Variants in TGFB3 observed in about 807,000 individuals in gnomAD.
TGFB3 encodes the protein transforming growth factor beta-3 proprotein.
In TGFB3, 5 loss-of-function variants were observed where a neutral mutation model predicts 40.1. The ratio of observed to expected loss-of-function variants is 0.12; its 90% CI spans 0.07 to 0.26. The LOEUF (loss-of-function observed/expected upper bound fraction) is 0.26. Among genes scored for constraint, TGFB3 ranks in the 10% least tolerant of loss-of-function variants. The pLI is 1.00. For synonymous variants in TGFB3, 184 were observed against 205.6 expected (o/e 0.89, Z 0.90); for missense variants, 373 against 530.1 (o/e 0.70, Z 2.91).
chr14:75,973,905 G>C (rs747601097), intron 1 of TGFB3, among the ~76,000 whole-genome samples: 2 of 152,216 alleles, frequency 1.3e-5, no homozygotes, highest in Non-Finnish European at 2.9e-5. Flanking sequence ...ACTTCGGGAA[G>C]CCGAGGTGGG....
chr14:75,971,396 C>CT lies in TGFB3; in HGVS notation c.517-142dup, dbSNP rs1344556066. ...TGGCCCTCGAGCACCTTAGCTAACT[C>CT]TTAAGTGTTTTAATGACAGACACAG... On this transcript the variant is annotated intron_variant, in intron 2 of 6. Coordinates refer to ENST00000238682, the MANE Select transcript of TGFB3 (RefSeq NM_003239.5). The surrounding 1 kb of genome is among the most constrained non-coding windows in gnomAD (Gnocchi z 4.5). 2.8e-5 allele frequency: 42 copies of CT among 1,521,280 alleles called. No homozygotes were observed. The highest frequency in any genetic ancestry group is 3.8e-5 in the Non-Finnish European group (42 of 1,115,180). The allele number at this position is 1,521,280 out of a possible 1,614,324, so 94.2% of individuals were successfully genotyped here. A position where few individuals can be genotyped will look rare whatever the true frequency, so the allele number is the denominator to read the frequency against.
At chr14:75,959,855 G>C (rs1339433294) in intron 6 of TGFB3, among the ~76,000 whole-genome samples, 2 of 147,808 alleles carry the variant, frequency 1.4e-5, no homozygotes, top group African/African-American at 2.5e-5. Flanking sequence ...AATGACAGAA[G>C]CAGAACAACT....
chr14:75,972,107 C>T (rs1000265244), intron 1 of TGFB3, among the ~76,000 whole-genome samples: 5 of 152,190 alleles, frequency 3.3e-5, no homozygotes, highest in African/African-American at 4.8e-5. Flanking sequence ...TTGATTTATT[C>T]GTGTGTTTGT....
Position 75,963,918 on chromosome 14 carries a change from C to G in TGFB3, c.755-431G>C, listed in dbSNP as rs548267444. On this transcript the variant is annotated intron_variant, in intron 4 of 6. Coordinates refer to ENST00000238682, the MANE Select transcript of TGFB3 (RefSeq NM_003239.5). ...TTGAGACAGAGTCTCGCTCTGTTGG[C>G]CAGGCTGGAGTGCAGTGGCCCCATC... 2.1e-4 allele frequency among the ~76,000 whole-genome samples: 32 copies of G among 152,222 alleles called. No homozygotes were observed. The East Asian group carries it at 6.2e-3, about 29-fold the overall frequency.
At chr14:75,964,473 A>C (rs778526758) in intron 4 of TGFB3, among the ~76,000 whole-genome samples, 2 of 152,252 alleles carry the variant, frequency 1.3e-5, no homozygotes, top group Admixed American at 6.5e-5. Flanking sequence ...TCTGAAAAAA[A>C]AGGAAAAGAC....
intron 5 of TGFB3, chr14:75,963,024 G>A (rs1361302106): frequency 1.9e-6 from 1 of 518,208 alleles, no homozygotes; most frequent in Non-Finnish European, 3.5e-6. Flanking sequence ...CTTTGACCAA[G>A]CCTCTCCAAT....
rs141928758 is a variant in TGFB3 at position 75,961,371 on chromosome 14, G to C, written c.927-295C>G. On this transcript the variant is annotated intron_variant, in intron 5 of 6. Transcript: ENST00000238682. The stretch of plus-strand genomic sequence containing the variant: ...ACAATACAAAGCAGTGCTATGAAGC[G>C]CTCCACATAAAACCAAGCACTGAAT... Among the ~76,000 whole-genome samples, 5 of 152,296 alleles carry C rather than the reference G, an allele frequency of 3.3e-5. No homozygotes were observed. The East Asian group carries it at 9.6e-4, about 29-fold the overall frequency.
chr14:75,964,969 C>T (rs192238534), intron 4 of TGFB3, among the ~76,000 whole-genome samples: 16 of 152,342 alleles, frequency 1.1e-4, no homozygotes, highest in African/African-American at 3.8e-4. Context: ...CTTCCCTGAA[C>T]TCCAGAGATC....
intron 3 of TGFB3, among the ~76,000 whole-genome samples, chr14:75,967,072 G>C (rs1014901335): frequency 6.6e-6 from 1 of 152,226 alleles, no homozygotes; most frequent in African/African-American, 2.4e-5. Flanking sequence ...TCCTGAAATT[G>C]TGCCATCAGG....
At chr14:75,975,323 G>A (rs1381497502) in intron 1 of TGFB3, among the ~76,000 whole-genome samples, 1 of 152,108 alleles carries the variant, frequency 6.6e-6, no homozygotes, top group Non-Finnish European at 1.5e-5. Context: ...AGCCGAGATT[G>A]CACCAGTGCA....
At chr14:75,970,904 T>G in intron 3 of TGFB3, 2 of 554,698 alleles carry the variant, frequency 3.6e-6, no homozygotes, top group Non-Finnish European at 6.4e-6. Flanking sequence ...CTCTTTCTAT[T>G]TCTCATAGTT....
chr14:75,982,919 G>C (rs1431306286), upstream of TGFB3: 3 of 152,352 alleles, frequency 2.0e-5, no homozygotes, highest in East Asian at 3.8e-4. This position sits in a 1 kb window ranked among gnomAD's most constrained non-coding sequence, Gnocchi z 4.0. Flanking sequence ...CAGTTGGCCC[G>C]AGCCCATTTC....
Position 75,960,971 on chromosome 14 carries a change from G to A in TGFB3, c.1032C>T (p.Cys344=). 6.2e-7 allele frequency: 1 copy of A among 1,614,250 alleles called. No individual in the cohort carries two copies. Among genetic ancestry groups the A allele is most frequent in the Non-Finnish European group, 8.5e-7 (1 of 1,180,052 alleles). The part of the protein sequence containing the change: ...HEPKGYYANF[C]SGPCPYLRSA... ...TGCGGAGGTATGGGCAAGGGCCTGA[G>A]CAGAAGTTGGCATAGTAGCCCTTAG... The change falls in exon 6 of 7, where the codon TGC becomes TGT. Residue 344 remains cysteine, a synonymous_variant. Transcript: ENST00000238682.
At chr14:75,975,209 A>G (rs1014243049) in intron 1 of TGFB3, among the ~76,000 whole-genome samples, 1 of 151,966 alleles carries the variant, frequency 6.6e-6, no homozygotes. Flanking sequence ...CTCTACTCCA[A>G]ATACAAAAAT....
intron 5 of TGFB3, among the ~76,000 whole-genome samples, chr14:75,962,624 T>C (rs2035170401): frequency 6.6e-6 from 1 of 152,180 alleles, no homozygotes; most frequent in African/African-American, 2.4e-5. Context: ...TTCTGAAGCC[T>C]TTCCTGTGTC....
At position 75,965,473 on chromosome 14, in the gene TGFB3, T is replaced by G. The variant is rs983385416; in HGVS notation, c.754+115A>C. ...CTCAAGTACAAAATAGTCGGCTATC[T>G]CTCTGAAGGAGCTTGGTTTCTTTTC... On this transcript the variant is annotated intron_variant, in intron 4 of 6. Transcript: ENST00000238682. 35 of 862,244 alleles carry G rather than the reference T, an allele frequency of 4.1e-5. No individual in the cohort carries two copies. In the Admixed American group the frequency reaches 4.2e-4, roughly 10 times the overall value. The allele number at this position is 862,244 out of a possible 1,614,324, so 53.4% of individuals were successfully genotyped here.
At position 75,959,164 on chromosome 14, in the gene TGFB3, C is replaced by G. The variant is rs199688471; in HGVS notation, c.*23G>C. ...TCAGGCAGTGGTGGTTCTCTCTCCC[C>G]TCTCTCTGTCGCACGTGGGGTCTCA... On this transcript the variant is annotated 3_prime_UTR_variant, in exon 7 of 7. Transcript: ENST00000238682. 2 of 1,614,028 alleles carry G rather than the reference C, an allele frequency of 1.2e-6. No individual in the cohort carries two copies. The highest frequency in any genetic ancestry group is 1.7e-6 in the Non-Finnish European group (2 of 1,179,950).
rs1487199437 is a variant in TGFB3 at position 75,981,330 on chromosome 14, G to T, written c.-437C>A. ...GGGAGAAAGTGGGTATTTTAAAGAAGAAGCAGAAGGACCATGGCTGGGTCC... is the reference window on the plus strand; with the variant it reads ...GGGAGAAAGTGGGTATTTTAAAGAATAAGCAGAAGGACCATGGCTGGGTCC... On this transcript the variant is annotated 5_prime_UTR_variant, in exon 1 of 7. Coordinates refer to ENST00000238682, the MANE Select transcript of TGFB3 (RefSeq NM_003239.5). This position sits in a 1 kb window ranked among gnomAD's most constrained non-coding sequence, Gnocchi z 4.7. 2 of 200,700 alleles carry T rather than the reference G, an allele frequency of 1.0e-5. No homozygotes were observed. The highest frequency in any genetic ancestry group is 2.1e-5 in the Non-Finnish European group (2 of 96,476). 12.4% of individuals were successfully genotyped at this position (200,700 alleles called of 1,614,324 possible). A position where few individuals can be genotyped will look rare whatever the true frequency, so the allele number is the denominator to read the frequency against.
Position 75,958,963 on chromosome 14 carries a change from C to A in TGFB3, c.*224G>T. ...GAAAGTCTGTGTGTTCTGAAGAGTT[C>A]AGCCTTCCTCTAACCAAACCCACAC... On this transcript the variant is annotated 3_prime_UTR_variant, in exon 7 of 7. Coordinates refer to ENST00000238682, the MANE Select transcript of TGFB3 (RefSeq NM_003239.5). 2 of 581,592 alleles carry A rather than the reference C, an allele frequency of 3.4e-6. No individual in the cohort carries two copies. The highest frequency in any genetic ancestry group is 2.4e-5 in the Admixed American group (1 of 41,578). 36.0% of individuals were successfully genotyped at this position (581,592 alleles called of 1,614,324 possible). A position where few individuals can be genotyped will look rare whatever the true frequency, so the allele number is the denominator to read the frequency against.
Sources: allele counts gnomAD v4.1 joint callset (sites outside exome capture counted in the v4.1 genomes callset), GRCh38; gene constraint gnomAD v4.1.1; non-coding constraint Gnocchi (gnomAD v3.1); transcripts MANE v1.5; gene names NCBI Gene and HGNC (gene_info 2026-07-23, HGNC 2026-07-21).